Variants in RABGAP1 observed in about 807,000 individuals in gnomAD.
RABGAP1 encodes the protein rab GTPase-activating protein 1.
In RABGAP1, 23 loss-of-function variants were observed where a neutral mutation model predicts 137.6. That is an observed-to-expected ratio of 0.17 (90% CI 0.12 to 0.24). The LOEUF (loss-of-function observed/expected upper bound fraction) is 0.24, where lower values mean the gene tolerates loss of function less well. RABGAP1 is among the 10% of genes least tolerant of loss of function. RABGAP1 has a pLI of 1.00. For missense variants in RABGAP1, 906 were observed against 1,275.8 expected, an observed-to-expected ratio of 0.71 and a Z score of 4.42; for synonymous variants, 451 against 450.7, an observed-to-expected ratio of 1.00 and a Z score of -0.01.
chr9:122,935,086 TGTGTTA>T, the RABGAP1 span, among the ~76,000 whole-genome samples: 1 of 152,240 alleles, frequency 6.6e-6, no homozygotes, highest in Non-Finnish European at 1.5e-5. Flanking sequence ...ACTGCTTTTT[TGTGTTA>T]GTGTTAGTTG....
Position 123,101,690 on chromosome 9 carries a change from A to T in RABGAP1, c.3014A>T (p.Asn1005Ile). Residue 1005 changes from asparagine to isoleucine, a missense_variant, in exon 25 of 26, where the codon AAC becomes ATC. Around this residue, in one of 9 missense-constraint regions of RABGAP1, gnomAD observed 193 missense variants for 248.1 expected, o/e 0.78. Transcript: ENST00000373647. ...DTDEEKETLKNQLREMELELA... is the reference protein window; with the variant it reads ...DTDEEKETLKIQLREMELELA... The stretch of plus-strand genomic sequence containing the variant: ...GATGAAGAGAAAGAGACGCTCAAGA[A>T]CCAGCTGAGAGAAATGGAGCTAGAA... The T allele has an allele frequency of 6.2e-7, 1 of 1,614,030 alleles. No individual in the cohort carries two copies. Among genetic ancestry groups the T allele is most frequent in the Non-Finnish European group, 8.5e-7 (1 of 1,179,986 alleles).
intron 13 of RABGAP1, among the ~76,000 whole-genome samples, chr9:123,051,945 C>G (rs1049190059): frequency 6.8e-6 from 1 of 146,528 alleles, no homozygotes; most frequent in African/African-American, 2.6e-5. Context: ...GCACCTGCCA[C>G]CACGCCCGGC....
chr9:122,977,613 T>C (rs559383744), intron 2 of RABGAP1, among the ~76,000 whole-genome samples: 1 of 151,880 alleles, frequency 6.6e-6, no homozygotes, highest in Admixed American at 6.6e-5. Flanking sequence ...GGCTGAGACA[T>C]GAGAATCGCT....
intron 20 of RABGAP1, 124 bp downstream of exon 20, chr9:123,089,974 T>C (rs1480979930): frequency 4.4e-6 from 4 of 907,462 alleles, no homozygotes; most frequent in Non-Finnish European, 5.0e-6. Context: ...AGGTTTGAGT[T>C]TGCAAATTAG....
intron 12 of RABGAP1, among the ~76,000 whole-genome samples, chr9:123,016,122 A>C (rs1301235165): frequency 6.6e-6 from 1 of 152,170 alleles, no homozygotes; most frequent in African/African-American, 2.4e-5. Flanking sequence ...TCCTACTAAC[A>C]CTTACAAATT....
intron 1 of RABGAP1, among the ~76,000 whole-genome samples, chr9:122,952,090 A>T (rs1393194356): frequency 6.6e-6 from 1 of 152,196 alleles, no homozygotes; most frequent in East Asian, 1.9e-4. Flanking sequence ...AAAATAAAGC[A>T]TAATTGAACT....
In RABGAP1 at chr9:122,998,721, C is replaced by T. The variant is rs371695667; in HGVS notation, c.1329C>T (p.Phe443=). 29 of 1,611,550 alleles carry T rather than the reference C, an allele frequency of 1.8e-5. No individual in the cohort carries two copies. The South Asian group carries it at 2.2e-4, about 12-fold the overall frequency. ...CTAATGAAAGATTATTCTGGCCCTT[C>T]AGCAAACGTAGTACTACTGAAAATT... is the stretch of plus-strand genomic sequence containing the variant. The part of the protein sequence containing the change: ...CSPNERLFWP[F]SKRSTTENFF... Residue 443 remains phenylalanine, a synonymous_variant, in exon 10 of 26, where the codon TTC becomes TTT. Coordinates refer to ENST00000373647, the MANE Select transcript of RABGAP1 (RefSeq NM_012197.4).
At chr9:123,089,903 T>C in intron 20 of RABGAP1, 53 bp downstream of exon 20, 6 of 1,455,202 alleles carry the variant, frequency 4.1e-6, no homozygotes, top group Non-Finnish European at 5.7e-6. Flanking sequence ...TCATTTCATA[T>C]GATTGCGCCT....
intron 6 of RABGAP1, 56 bp from the exon 7 acceptor site, chr9:122,995,985 T>C: frequency 1.3e-6 from 2 of 1,536,020 alleles, no homozygotes; most frequent in South Asian, 1.3e-5. Context: ...AAAAAATGGT[T>C]CTAGTATGTG....
intron 2 of RABGAP1, among the ~76,000 whole-genome samples, chr9:122,962,745 A>C (rs997198358): frequency 1.3e-5 from 2 of 152,172 alleles, no homozygotes; most frequent in Non-Finnish European, 2.9e-5. Flanking sequence ...CAATAATAAT[A>C]CTAAATGTAA....
chr9:122,932,538 C>CT, the RABGAP1 span, among the ~76,000 whole-genome samples: 5,551 of 148,530 alleles, frequency 0.037, 333 homozygotes, highest in African/African-American at 0.13. Flanking sequence ...CTTTTTTTTT[C>CT]TTTTTTTTGA....
intron 13 of RABGAP1, among the ~76,000 whole-genome samples, chr9:123,059,406 T>A (rs1347267079): frequency 6.6e-6 from 1 of 151,898 alleles, no homozygotes; most frequent in Non-Finnish European, 1.5e-5. Context: ...ATTAAAAAAA[T>A]TAGCCAGGCG....
In RABGAP1 at chr9:123,057,126, C is replaced by T. The variant is rs547746736; in HGVS notation, c.1795-8222C>T. Among the ~76,000 whole-genome samples, 676 of 150,008 alleles carry T rather than the reference C, an allele frequency of 4.5e-3. 4 individuals are homozygous for T. Among genetic ancestry groups the T allele is most frequent in the African/African-American group, 0.016 (631 of 40,616 alleles). On this transcript the variant is annotated intron_variant, in intron 13 of 25. Transcript: ENST00000373647. ...GGGGCTGACCCCCCCACCTCCCTCC[C>T]GGACGGGGCGGCTGGCCTGGCGGGG...
intron 19 of RABGAP1, among the ~76,000 whole-genome samples, chr9:123,084,083 G>A (rs926236016): frequency 6.6e-6 from 1 of 152,192 alleles, no homozygotes. Context: ...TATGATGTGA[G>A]CCATCTGTGA....
At chr9:122,994,998 T>C (rs1405551979) in intron 6 of RABGAP1, among the ~76,000 whole-genome samples, 2 of 152,098 alleles carry the variant, frequency 1.3e-5, no homozygotes, top group Admixed American at 1.3e-4. Flanking sequence ...GTACCTGTAA[T>C]CCTAGGTATC....
At chr9:122,942,682 A>AC (rs2131569394) in intron 1 of RABGAP1, among the ~76,000 whole-genome samples, 1 of 151,190 alleles carries the variant, frequency 6.6e-6, no homozygotes, top group African/African-American at 2.4e-5. Flanking sequence ...AAAAAAAAAA[A>AC]AAAAAACACA....
intron 13 of RABGAP1, among the ~76,000 whole-genome samples, chr9:123,042,474 A>G (rs904748612): frequency 6.6e-6 from 1 of 152,256 alleles, no homozygotes; most frequent in African/African-American, 2.4e-5. Context: ...ACCCAACTGT[A>G]ACTAACATTC....
intron 13 of RABGAP1, among the ~76,000 whole-genome samples, chr9:123,024,108 A>G (rs2031814263): frequency 6.6e-6 from 1 of 152,218 alleles, no homozygotes. Context: ...AATACATAGT[A>G]TGCTTTTAAA....
At chr9:122,944,586 G>A (rs1011759860) in intron 1 of RABGAP1, among the ~76,000 whole-genome samples, 1 of 151,278 alleles carries the variant, frequency 6.6e-6, no homozygotes, top group Non-Finnish European at 1.5e-5. Context: ...GAGTGTGGCG[G>A]CACGATATCA....
Sources: gnomAD v4.1 joint callset for allele counts (sites outside exome capture counted in the v4.1 genomes callset) on GRCh38, gnomAD v4.1.1 for gene constraint, gnomAD v4.1.1 regional missense constraint, MANE v1.5 for transcripts, NCBI Gene and HGNC (gene_info 2026-07-23, HGNC 2026-07-21) for gene names.